Variants in NELL2 observed in about 807,000 individuals in gnomAD.
NELL2 encodes the protein neural EGFL like 2, also known as protein kinase C-binding protein NELL2.
NELL2 carries 41 observed loss-of-function variants against 109.6 expected under a neutral mutation model. The observed-to-expected ratio is 0.37, with a 90% CI of 0.29 to 0.49. The LOEUF is 0.49. Among genes scored for constraint, NELL2 ranks in the 20% least tolerant of loss-of-function variants. NELL2 has a pLI of 0.98. For missense variants in NELL2, 900 were observed against 1,008.3 expected, an observed-to-expected ratio of 0.89 and a Z score of 1.45; for synonymous variants, 355 against 344.7, an observed-to-expected ratio of 1.03 and a Z score of -0.33.
At chr12:44,676,189 G>T (rs1049426683) in intron 12 of NELL2, among the ~76,000 whole-genome samples, 3 of 152,212 alleles carry the variant, frequency 2.0e-5, no homozygotes, top group African/African-American at 7.2e-5. Flanking sequence ...TGACTCACCA[G>T]CTGTGAAATA....
At chr12:44,587,145 G>A (rs1319132533) in intron 15 of NELL2, among the ~76,000 whole-genome samples, 9 of 150,826 alleles carry the variant, frequency 6.0e-5, no homozygotes, top group East Asian at 3.9e-4. Flanking sequence ...GGTGGCACAC[G>A]CCTGTAGTCC....
intron 9 of NELL2, among the ~76,000 whole-genome samples, chr12:44,755,580 C>A (rs1038776121): frequency 6.6e-6 from 1 of 152,100 alleles, no homozygotes; most frequent in Admixed American, 6.6e-5. Context: ...GTTTTGTCAT[C>A]ACTCAAAACT....
intron 12 of NELL2, among the ~76,000 whole-genome samples, chr12:44,701,225 G>C (rs1052133763): frequency 1.3e-5 from 2 of 151,648 alleles, no homozygotes; most frequent in African/African-American, 2.4e-5. Flanking sequence ...TTGTTATTTG[G>C]AATAAATAAC....
intron 13 of NELL2, among the ~76,000 whole-genome samples, chr12:44,641,485 T>A (rs1162148366): frequency 1.3e-5 from 2 of 151,984 alleles, no homozygotes; most frequent in African/African-American, 4.8e-5. Flanking sequence ...AACCATGTGA[T>A]CAAAATGCCT....
chr12:44,768,554 T>G lies in NELL2; in HGVS notation c.994+6193A>C, dbSNP rs181718743. ...ATGATTTATTCAATGTTATTTCAAA[T>G]ACTAAATTAAAGTAATTTTAGTGAG... On this transcript the variant is annotated intron_variant, in intron 9 of 19. Coordinates refer to ENST00000429094, the MANE Select transcript of NELL2 (RefSeq NM_001145108.2). Among the ~76,000 whole-genome samples the G allele has an allele frequency of 2.3e-3, 345 of 152,286 alleles. 1 individual carries two copies. Among genetic ancestry groups the G allele is most frequent in the Non-Finnish European group, 4.0e-3 (274 of 68,004 alleles).
intron 9 of NELL2, among the ~76,000 whole-genome samples, chr12:44,739,131 G>A (rs1289256109): frequency 2.6e-5 from 4 of 152,076 alleles, no homozygotes; most frequent in African/African-American, 4.8e-5. Flanking sequence ...GAATTCCAGT[G>A]TAAATTAAGT....
chr12:44,815,455 A>G lies in NELL2; in HGVS notation c.335+531T>C, dbSNP rs192633979. ...AAGTATGTTTGGCTTTAAAATTGAG[A>G]AATATACCTCTTGAGGAATTCAGTA... On this transcript the variant is annotated intron_variant, in intron 3 of 19. Coordinates refer to ENST00000429094, the MANE Select transcript of NELL2 (RefSeq NM_001145108.2). Among the ~76,000 whole-genome samples, 92 of 152,360 alleles carry G rather than the reference A, an allele frequency of 6.0e-4. 1 individual carries two copies. The highest frequency in any genetic ancestry group is 1.8e-3 in the African/African-American group (75 of 41,586).
intron 12 of NELL2, among the ~76,000 whole-genome samples, chr12:44,666,446 A>T (rs1444960905): frequency 7.9e-5 from 12 of 152,208 alleles, no homozygotes; most frequent in African/African-American, 2.9e-4. Context: ...AGAAGTCTGC[A>T]TTCTCATATC....
At chr12:44,873,744 CAAAA>C (rs35182533) in intron 2 of NELL2, among the ~76,000 whole-genome samples, 1,587 of 146,582 alleles carry the variant, frequency 0.011, 31 homozygotes, top group East Asian at 0.049. Context: ...ACAACAACAA[CAAAA>C]AAAAAAAAAC....
intron 12 of NELL2, among the ~76,000 whole-genome samples, chr12:44,692,580 G>A (rs906898079): frequency 3.9e-5 from 6 of 152,112 alleles, no homozygotes; most frequent in African/African-American, 1.4e-4. Context: ...TCTGGGCAAA[G>A]TAAGTTGAAA....
intron 13 of NELL2, among the ~76,000 whole-genome samples, chr12:44,636,347 T>C (rs904284279): frequency 6.6e-6 from 1 of 152,174 alleles, no homozygotes; most frequent in Non-Finnish European, 1.5e-5. Flanking sequence ...AGAGAGGGCA[T>C]CCTTGTCTTG....
intron 9 of NELL2, among the ~76,000 whole-genome samples, chr12:44,722,469 G>A (rs1251546569): frequency 6.6e-6 from 1 of 152,084 alleles, no homozygotes; most frequent in Non-Finnish European, 1.5e-5. Context: ...CCCCACCTAA[G>A]AAACATTTAT....
At chr12:44,564,673 C>A (rs1229233448) in intron 15 of NELL2, among the ~76,000 whole-genome samples, 1 of 152,220 alleles carries the variant, frequency 6.6e-6, no homozygotes, top group Non-Finnish European at 1.5e-5. Flanking sequence ...GAAGGAAATA[C>A]AGCTTATTAG....
intron 2 of NELL2, among the ~76,000 whole-genome samples, chr12:44,854,819 T>C (rs984501176): frequency 6.6e-6 from 1 of 152,024 alleles, no homozygotes; most frequent in East Asian, 1.9e-4. Context: ...GTTACTTAAA[T>C]GTTGGAACTT....
At chr12:44,676,110 T>A (rs949501251) in intron 12 of NELL2, among the ~76,000 whole-genome samples, 5 of 152,154 alleles carry the variant, frequency 3.3e-5, no homozygotes, top group African/African-American at 9.7e-5. Context: ...CTTGAAGTCA[T>A]GCAGCTCAAT....
At chr12:44,848,657 C>T (rs1186208489) in intron 2 of NELL2, among the ~76,000 whole-genome samples, 2 of 152,038 alleles carry the variant, frequency 1.3e-5, no homozygotes, top group Non-Finnish European at 2.9e-5. Context: ...GAACTGTCAT[C>T]ACTTTATAAA....
In NELL2 at chr12:44,760,068, C is replaced by T. The variant is rs567969822; in HGVS notation, c.994+14679G>A. ...TTAGATGGCCTTTGGAAAATTTGTTCAGCACTTAGAATCTAAATTTGCTTG... is the reference window on the plus strand; with the variant it reads ...TTAGATGGCCTTTGGAAAATTTGTTTAGCACTTAGAATCTAAATTTGCTTG... On this transcript the variant is annotated intron_variant, in intron 9 of 19. Coordinates refer to ENST00000429094, the MANE Select transcript of NELL2 (RefSeq NM_001145108.2). Among the ~76,000 whole-genome samples, 3 of 152,238 alleles carry T rather than the reference C, an allele frequency of 2.0e-5. No homozygotes were observed. In the South Asian group the frequency reaches 6.2e-4, roughly 32 times the overall value.
chr12:44,790,726 T>G (rs371309668), intron 3 of NELL2, among the ~76,000 whole-genome samples: 1 of 151,914 alleles, frequency 6.6e-6, no homozygotes, highest in African/African-American at 2.4e-5. Flanking sequence ...AACCGTAGAA[T>G]GGATAAGAAC....
intron 12 of NELL2, among the ~76,000 whole-genome samples, chr12:44,694,341 T>C (rs905859854): frequency 2.6e-5 from 4 of 152,124 alleles, no homozygotes; most frequent in Admixed American, 6.5e-5. Context: ...CTGGAACTTA[T>C]ATCATTGAGT....
Sources: gnomAD v4.1 joint callset for allele counts (sites outside exome capture counted in the v4.1 genomes callset) on GRCh38, gnomAD v4.1.1 for gene constraint, MANE v1.5 for transcripts, NCBI Gene and HGNC (gene_info 2026-07-23, HGNC 2026-07-21) for gene names.